The following PHF20L1 variants were observed in gnomAD, a reference collection of about 807,000 sequenced individuals.
PHF20L1 encodes the protein PHD finger protein 20-like protein 1.
In PHF20L1, 44 loss-of-function variants were observed where a neutral mutation model predicts 125.5. The observed-to-expected ratio is 0.35, with a 90% confidence interval of 0.28 to 0.45. PHF20L1 has a LOEUF of 0.45. Among genes scored for constraint, PHF20L1 ranks in the 20% least tolerant of loss-of-function variants. The pLI is 1.00. For synonymous variants in PHF20L1, 380 were observed against 403.1 expected, an observed-to-expected ratio of 0.94 and a Z score of 0.69; for missense variants, 1,012 against 1,217.2, an observed-to-expected ratio of 0.83 and a Z score of 2.51.
chr8:132,843,753 T>G (rs1838174078), intron 19 of PHF20L1: 3 of 985,086 alleles, frequency 3.0e-6, no homozygotes, highest in Non-Finnish European at 2.4e-6. Flanking sequence ...TTTATACTGG[T>G]CTTTGGAAAC....
At chr8:132,806,993 G>C (rs917477629) in intron 8 of PHF20L1, 1 of 151,802 alleles carries the variant, frequency 6.6e-6, no homozygotes, top group Non-Finnish European at 1.5e-5. Context: ...TTTTAAACCC[G>C]ATTTCTGTAT....
chr8:132,806,492 A>C (rs1586935859), intron 8 of PHF20L1: 1 of 152,180 alleles, frequency 6.6e-6, no homozygotes, highest in Admixed American at 6.6e-5. Context: ...GCAGAGCATA[A>C]GATTTTATGA....
At position 132,810,882 on chromosome 8, in the gene PHF20L1, CTTA is replaced by C. The variant is rs1834313940; in HGVS notation, c.848-157_848-155del. The C allele has an allele frequency of 3.5e-5, 20 of 565,030 alleles. No homozygotes were observed. The Middle Eastern group carries it at 1.9e-3, about 53-fold the overall frequency. 35.0% of individuals were successfully genotyped at this position (565,030 alleles called of 1,614,324 possible). ...CTCAAGTTCTGATTCAGTCCCTTGGCTTATTATTAAGCATATTTGTATTTTTGA... is the reference window on the plus strand; with the variant it reads ...CTCAAGTTCTGATTCAGTCCCTTGGCTTATTAAGCATATTTGTATTTTTGA... On this transcript the variant is annotated intron_variant, in intron 8 of 20. Coordinates refer to ENST00000395386, the MANE Select transcript of PHF20L1 (RefSeq NM_016018.5).
intron 2 of PHF20L1, among the ~76,000 whole-genome samples, chr8:132,791,925 C>T (rs889737597): frequency 1.3e-5 from 2 of 152,080 alleles, no homozygotes; most frequent in African/African-American, 4.8e-5. Flanking sequence ...TTAGAAAAAC[C>T]GTAAGTCGCT....
intron 12 of PHF20L1, among the ~76,000 whole-genome samples, chr8:132,821,919 A>G (rs562030859): frequency 3.3e-5 from 5 of 152,108 alleles, no homozygotes; most frequent in African/African-American, 4.8e-5. Context: ...TTTGGTCACC[A>G]AATTCTAGCA....
chr8:132,839,383 G>T lies in PHF20L1; in HGVS notation c.2192-4G>T, dbSNP rs1195456552. On this transcript the variant is annotated splice_polypyrimidine_tract_variant and splice_region_variant and intron_variant, in intron 17 of 20. Transcript: ENST00000395386. ...CTGTGATTTAATATCAACTTCATCT[G>T]CAGGTCAGAGGTGGAGTGCAAAATA... 4 of 1,605,642 alleles carry T rather than the reference G, an allele frequency of 2.5e-6. No homozygotes were observed. Among genetic ancestry groups the T allele is most frequent in the Admixed American group, 1.7e-5 (1 of 59,846 alleles).
At chr8:132,818,266 A>G (rs886307507) in intron 12 of PHF20L1, 1 of 151,910 alleles carries the variant, frequency 6.6e-6, no homozygotes, top group Non-Finnish European at 1.5e-5. Context: ...ACTAGTTACA[A>G]ATGCACTTCT....
chr8:132,799,521 T>TTAGAAATTTAAAA (rs1377679248), intron 6 of PHF20L1: 1 of 167,340 alleles, frequency 6.0e-6, no homozygotes, highest in Non-Finnish European at 1.3e-5. Context: ...AAAGGTGCCA[T>TTAGAAATTTAAAA]TAGAAATTTA....
intron 18 of PHF20L1, among the ~76,000 whole-genome samples, chr8:132,840,156 A>C (rs1837783554): frequency 6.6e-6 from 1 of 152,128 alleles, no homozygotes. Flanking sequence ...CTTTAAAAGA[A>C]CAAACAAACA....
At chr8:132,838,571 T>C (rs1171945095) in intron 17 of PHF20L1, 1 of 152,134 alleles carries the variant, frequency 6.6e-6, no homozygotes, top group East Asian at 1.9e-4. Context: ...AGGAAATAAC[T>C]AGGTTTTCTC....
At chr8:132,834,799 T>C (rs1237671212) in intron 15 of PHF20L1, among the ~76,000 whole-genome samples, 1 of 152,092 alleles carries the variant, frequency 6.6e-6, no homozygotes, top group Non-Finnish European at 1.5e-5. Context: ...CTGTTCATAC[T>C]AGATTTTCCA....
At chr8:132,802,741 A>G (rs1833227149) in intron 6 of PHF20L1, among the ~76,000 whole-genome samples, 1 of 151,830 alleles carries the variant, frequency 6.6e-6, no homozygotes, top group South Asian at 2.1e-4. Flanking sequence ...TTTTCACCAT[A>G]TATTTTTAAG....
chr8:132,784,309 A>T (rs550050159), intron 2 of PHF20L1, among the ~76,000 whole-genome samples: 5 of 152,284 alleles, frequency 3.3e-5, no homozygotes, highest in Admixed American at 3.3e-4. Flanking sequence ...TATTGGAAAA[A>T]ATAAATTAAA....
Position 132,824,042 on chromosome 8 carries a change from A to G in PHF20L1, c.1618A>G (p.Lys540Glu), listed in dbSNP as rs773439677. The G allele has an allele frequency of 1.2e-6, 2 of 1,601,078 alleles. No individual in the cohort carries two copies. Among genetic ancestry groups the G allele is most frequent in the African/African-American group, 1.3e-5 (1 of 74,286 alleles). ...KTEKKVKLED[K>E]SSTAFGKRKE... ...AGAAAAAAAAGTGAAATTGGAAGAC[A>G]AAAGCTCAACAGCATTTGGTATGAA... The change falls in exon 13 of 21, where the codon AAA (lysine) becomes GAA (glutamate). Residue 540 changes from lysine (K) to glutamate (E), a missense_variant. This residue lies in a region of PHF20L1 where 320 missense variants were observed against 293.8 expected (regional missense o/e 1.09). Transcript: ENST00000395386.
chr8:132,804,383 GA>G (rs1305987255), intron 7 of PHF20L1, among the ~76,000 whole-genome samples: 1 of 151,476 alleles, frequency 6.6e-6, no homozygotes, highest in Admixed American at 6.6e-5. Context: ...ATATAATATG[GA>G]AAAAGCAGTA....
intron 14 of PHF20L1, among the ~76,000 whole-genome samples, chr8:132,827,932 A>G (rs1479803534): frequency 6.6e-6 from 1 of 152,052 alleles, no homozygotes; most frequent in Non-Finnish European, 1.5e-5. Flanking sequence ...AATCACTGTC[A>G]TCTTTGTAAT....
intron 18 of PHF20L1, 80 bp downstream of exon 18, chr8:132,839,662 T>A (rs2131912518): frequency 1.1e-6 from 1 of 945,620 alleles, no homozygotes; most frequent in Non-Finnish European, 1.7e-6. Flanking sequence ...CTTTTGATGG[T>A]CCAGAGTAAC....
intron 15 of PHF20L1, among the ~76,000 whole-genome samples, chr8:132,834,884 C>T (rs572369523): frequency 2.6e-5 from 4 of 151,734 alleles, no homozygotes; most frequent in East Asian, 1.9e-4. Context: ...ACCTTCCTTC[C>T]GTATGTCCCT....
chr8:132,825,624 A>T (rs565517130), intron 14 of PHF20L1, among the ~76,000 whole-genome samples: 76 of 152,202 alleles, frequency 5.0e-4, no homozygotes, highest in Non-Finnish European at 9.9e-4. Context: ...GCATTATGGT[A>T]GACTCGATGC....
Sources: gnomAD v4.1 joint callset for allele counts (sites outside exome capture counted in the v4.1 genomes callset) on GRCh38, gnomAD v4.1.1 for gene constraint, gnomAD v4.1.1 regional missense constraint, MANE v1.5 for transcripts, NCBI Gene and HGNC (gene_info 2026-07-23, HGNC 2026-07-21) for gene names.